KCNJ6: variants seen among roughly 807,000 people sequenced by gnomAD.
KCNJ6 encodes the protein G protein-activated inward rectifier potassium channel 2.
Under a neutral mutation model 34.2 loss-of-function variants are expected in KCNJ6, and 9 were observed. That is an observed-to-expected ratio of 0.26 (90% confidence interval 0.16 to 0.46). KCNJ6 has a LOEUF of 0.46. Among genes scored for constraint, KCNJ6 ranks in the 20% least tolerant of loss-of-function variants. The pLI, the probability that KCNJ6 is intolerant of heterozygous loss-of-function variation, is 1.00. For missense variants in KCNJ6, 236 were observed against 531.3 expected (o/e 0.44, Z 5.46); for synonymous variants, 196 against 207.1 (o/e 0.95, Z 0.46).
intron 2 of KCNJ6, among the ~76,000 whole-genome samples, chr21:37,832,321 T>C (rs2055430000): frequency 6.6e-6 from 1 of 151,634 alleles, no homozygotes. Flanking sequence ...GGAGTAGCTT[T>C]TGTCCCGGGG....
intron 2 of KCNJ6, among the ~76,000 whole-genome samples, chr21:37,723,946 AG>A (rs1221448966): frequency 6.6e-6 from 1 of 151,952 alleles, no homozygotes; most frequent in Non-Finnish European, 1.5e-5. Flanking sequence ...AAAAAAAAAA[AG>A]AAAAGCAAGA....
At chr21:37,783,082 G>C (rs886103203) in intron 2 of KCNJ6, among the ~76,000 whole-genome samples, 16 of 152,252 alleles carry the variant, frequency 1.1e-4, no homozygotes, top group African/African-American at 3.6e-4. Context: ...CAGAGGAGGA[G>C]GCTGAGTTCT....
chr21:37,891,649 C>G (rs917859925), intron 1 of KCNJ6, among the ~76,000 whole-genome samples: 2 of 11,208 alleles, frequency 1.8e-4, no homozygotes, highest in Non-Finnish European at 3.3e-4. Context: ...TTAGACCCAG[C>G]TGAACCTAGG....
chr21:37,631,564 A>G (rs1045857421), intron 3 of KCNJ6, among the ~76,000 whole-genome samples: 7 of 152,240 alleles, frequency 4.6e-5, no homozygotes, highest in African/African-American at 1.4e-4. Context: ...AAAGTTCACA[A>G]TAGCAGGACG....
At chr21:37,792,862 G>A (rs761079894) in intron 2 of KCNJ6, among the ~76,000 whole-genome samples, 6 of 152,176 alleles carry the variant, frequency 3.9e-5, no homozygotes, top group South Asian at 2.1e-4. Flanking sequence ...TGCTTGCTAC[G>A]TGTACATTCT....
chr21:37,915,412 C>T (rs1378194737), intron 1 of KCNJ6, among the ~76,000 whole-genome samples: 11 of 152,196 alleles, frequency 7.2e-5, no homozygotes, highest in Non-Finnish European at 1.5e-5. Flanking sequence ...TTCTCCCCAA[C>T]CCTCACTTTT....
intron 2 of KCNJ6, among the ~76,000 whole-genome samples, chr21:37,793,013 A>T (rs991289466): frequency 4.6e-5 from 7 of 151,754 alleles, no homozygotes; most frequent in African/African-American, 1.7e-4. Context: ...CTCCGGGGGG[A>T]CTCTGATCCT....
In KCNJ6 at chr21:37,853,846, G is replaced by GTATATATATATATATATATA. The variant is rs144698876; in HGVS notation, c.-27-13138_-27-13137insTATATATATATATATATATA. ...GTAGTTAAGAGATACATATATATATGTATATATATATATATAAATTACATT... is the reference window on the plus strand; with the variant it reads ...GTAGTTAAGAGATACATATATATATGTATATATATATATATATATATATATATATATATATAAATTACATT... On this transcript the variant is annotated intron_variant, in intron 1 of 3. Transcript: ENST00000609713. Among the ~76,000 whole-genome samples the GTATATATATATATATATATA allele has an allele frequency of 6.4e-3, 747 of 115,886 alleles. 12 individuals carry two copies. The highest frequency in any genetic ancestry group is 0.023 in the African/African-American group (588 of 25,050). 76.0% of individuals were successfully genotyped at this position (115,886 alleles called of 152,430 possible). A position where few individuals can be genotyped will look rare whatever the true frequency, so the allele number is the denominator to read the frequency against.
intron 2 of KCNJ6, among the ~76,000 whole-genome samples, chr21:37,755,368 C>T (rs140901644): frequency 2.0e-5 from 3 of 152,270 alleles, no homozygotes; most frequent in African/African-American, 7.2e-5. Flanking sequence ...AAGCTATGCC[C>T]CTGGGATAGA....
intron 3 of KCNJ6, among the ~76,000 whole-genome samples, chr21:37,702,650 G>C (rs1238837598): frequency 6.6e-6 from 1 of 152,188 alleles, no homozygotes; most frequent in East Asian, 1.9e-4. Flanking sequence ...TAGAAATTTA[G>C]TGTCACATAG....
intron 3 of KCNJ6, among the ~76,000 whole-genome samples, chr21:37,696,681 A>C (rs1034360399): frequency 1.3e-5 from 2 of 152,208 alleles, no homozygotes; most frequent in Non-Finnish European, 2.9e-5. Context: ...CAGATTAGAT[A>C]TAGTAGCATT....
Position 37,769,441 on chromosome 21 carries a change from T to C in KCNJ6, c.26-54310A>G, listed in dbSNP as rs1017314963. On this transcript the variant is annotated intron_variant, in intron 2 of 3. Transcript: ENST00000609713. ...TTATTATTATTATTATTATTATTATTATTACTATATTTTTTTAGTAGCAGA... is the reference window on the plus strand; with the variant it reads ...TTATTATTATTATTATTATTATTATCATTACTATATTTTTTTAGTAGCAGA... Among the ~76,000 whole-genome samples, 23 of 149,702 alleles carry C rather than the reference T, an allele frequency of 1.5e-4. 1 individual carries two copies. The highest frequency in any genetic ancestry group is 9.3e-4 in the Admixed American group (14 of 14,990).
intron 2 of KCNJ6, among the ~76,000 whole-genome samples, chr21:37,820,068 G>A (rs12482457): frequency 0.32 from 48,987 of 151,956 alleles, 9,029 homozygotes; most frequent in South Asian, 0.41. Context: ...GATTACAGAT[G>A]TGAACCACTG....
intron 3 of KCNJ6, among the ~76,000 whole-genome samples, chr21:37,658,454 A>C (rs1165483084): frequency 1.3e-5 from 2 of 152,240 alleles, no homozygotes. Flanking sequence ...ATTTGCTAGA[A>C]TGTTGCAGCA....
intron 3 of KCNJ6, among the ~76,000 whole-genome samples, chr21:37,677,747 C>T (rs2054571182): frequency 7.1e-6 from 1 of 141,816 alleles, no homozygotes; most frequent in African/African-American, 2.5e-5. Context: ...CACCCATATA[C>T]CCACCCACAC....
chr21:37,607,482 A>ATATTTTT lies in KCNJ6; in HGVS notation c.*17676_*17677insAAAAATA. 4.1e-4 allele frequency: 56 copies of ATATTTTT among 136,764 alleles called. No individual in the cohort carries two copies. Among genetic ancestry groups the ATATTTTT allele is most frequent in the South Asian group, 2.2e-3 (9 of 4,158 alleles). 8.5% of individuals were successfully genotyped at this position (136,764 alleles called of 1,614,324 possible). ...CTTAAAGATATATATATATATATAT[A>ATATTTTT]TTTTTTTTTTATTTTAAAAAAATTT... On this transcript the variant is annotated 3_prime_UTR_variant, in exon 4 of 4. Transcript: ENST00000609713.
intron 3 of KCNJ6, among the ~76,000 whole-genome samples, chr21:37,652,430 G>T (rs1038027451): frequency 1.3e-5 from 2 of 152,202 alleles, no homozygotes; most frequent in African/African-American, 2.4e-5. Flanking sequence ...TGAAGAATTT[G>T]CTTGTCAGGG....
intron 2 of KCNJ6, among the ~76,000 whole-genome samples, chr21:37,741,221 T>C (rs974543280): frequency 1.3e-5 from 2 of 152,206 alleles, no homozygotes; most frequent in South Asian, 4.1e-4. Context: ...GTTATCCCCA[T>C]GCTGTCTGGA....
At chr21:37,710,741 A>T (rs1367122144) in intron 3 of KCNJ6, among the ~76,000 whole-genome samples, 11 of 152,358 alleles carry the variant, frequency 7.2e-5, no homozygotes, top group Admixed American at 7.2e-4. Context: ...TTACTATTTT[A>T]ACACACATGG....
Sources: allele counts gnomAD v4.1 joint callset (sites outside exome capture counted in the v4.1 genomes callset), GRCh38; gene constraint gnomAD v4.1.1; transcripts MANE v1.5; gene names NCBI Gene and HGNC (gene_info 2026-07-23, HGNC 2026-07-21).